Variants in RUNDC3B observed in about 807,000 individuals in gnomAD.
RUNDC3B encodes RUN domain-containing protein 3B.
In RUNDC3B, 33 loss-of-function variants were observed where a neutral mutation model predicts 58.4. The observed-to-expected ratio is 0.56, with a 90% CI of 0.43 to 0.75. RUNDC3B has a LOEUF of 0.75. RUNDC3B is among the 30% of genes least tolerant of loss of function. RUNDC3B has a pLI of 0.00. For synonymous variants in RUNDC3B, 193 were observed against 195.2 expected (o/e 0.99, Z 0.10); for missense variants, 501 against 535.7 (o/e 0.94, Z 0.64).
At chr7:87,699,792 C>T (rs942225433) in intron 2 of RUNDC3B, among the ~76,000 whole-genome samples, 1 of 152,098 alleles carries the variant, frequency 6.6e-6, no homozygotes, top group African/African-American at 2.4e-5. Context: ...TGAAAGATTA[C>T]AAGTTTTTCA....
intron 6 of RUNDC3B, among the ~76,000 whole-genome samples, chr7:87,765,038 T>C (rs1196182311): frequency 1.3e-5 from 2 of 151,846 alleles, no homozygotes; most frequent in Non-Finnish European, 1.5e-5. Context: ...TCTTGGGAAG[T>C]GTAGGTTTCA....
At chr7:87,668,093 C>T (rs1825447489) in intron 2 of RUNDC3B, among the ~76,000 whole-genome samples, 1 of 149,758 alleles carries the variant, frequency 6.7e-6, no homozygotes, top group Non-Finnish European at 1.5e-5. Flanking sequence ...TGGTAGAATT[C>T]AGTTATGAAT....
At chr7:87,790,050 G>C (rs920126733) in intron 8 of RUNDC3B, among the ~76,000 whole-genome samples, 2 of 152,208 alleles carry the variant, frequency 1.3e-5, no homozygotes, top group African/African-American at 4.8e-5. Context: ...TAGTCTGGTA[G>C]TGGTTGCAGC....
intron 6 of RUNDC3B, among the ~76,000 whole-genome samples, chr7:87,769,921 A>T (rs1012542356): frequency 2.6e-5 from 4 of 151,580 alleles, no homozygotes; most frequent in Non-Finnish European, 5.9e-5. Flanking sequence ...ATCTCTATTG[A>T]GTTTCTCTTC....
intron 4 of RUNDC3B, among the ~76,000 whole-genome samples, chr7:87,717,907 T>A (rs1292675644): frequency 6.6e-6 from 1 of 152,122 alleles, no homozygotes; most frequent in East Asian, 1.9e-4. Context: ...TATAGACAAA[T>A]ATCAGTTATT....
chr7:87,816,401 G>C (rs1837036893), intron 10 of RUNDC3B, 139 bp downstream of exon 10: 13 of 619,464 alleles, frequency 2.1e-5, no homozygotes, highest in Non-Finnish European at 3.5e-5. Context: ...ATTAAAAATG[G>C]TCTGCCTTTG....
At chr7:87,656,427 G>T (rs1165295747) in intron 2 of RUNDC3B, among the ~76,000 whole-genome samples, 1 of 152,066 alleles carries the variant, frequency 6.6e-6, no homozygotes, top group Non-Finnish European at 1.5e-5. Flanking sequence ...CTGAGGACTG[G>T]AACGATGCAG....
At chr7:87,818,917 A>G (rs1187077961) in intron 10 of RUNDC3B, among the ~76,000 whole-genome samples, 2 of 152,196 alleles carry the variant, frequency 1.3e-5, no homozygotes, top group Admixed American at 6.5e-5. Flanking sequence ...GTAAAAACAA[A>G]CAAACAAACA....
intron 8 of RUNDC3B, among the ~76,000 whole-genome samples, chr7:87,807,164 G>C (rs1206327355): frequency 1.3e-5 from 2 of 152,070 alleles, no homozygotes; most frequent in African/African-American, 4.8e-5. Context: ...GTAGTGATTT[G>C]TTGTAACCAG....
chr7:87,787,856 C>A (rs1182413861), intron 8 of RUNDC3B, among the ~76,000 whole-genome samples: 1 of 152,156 alleles, frequency 6.6e-6, no homozygotes, highest in Admixed American at 6.5e-5. Flanking sequence ...AAATTAAAAT[C>A]TTTTGTCAAA....
Position 87,770,703 on chromosome 7 carries a change from A to G in RUNDC3B, c.752A>G (p.Lys251Arg). ...FLMDENSWFN[K>R]CKRVKQKYQL... ...ATGGATGAGAACAGTTGGTTCAACA[A>G]GTGTAAGAGAGTTAAACAAAAGTAT... Residue 251 changes from lysine (K) to arginine (R), a missense_variant, in exon 7 of 11, where the codon AAG becomes AGG. Coordinates refer to ENST00000394654, the MANE Select transcript of RUNDC3B (RefSeq NM_001134405.2). The G allele has an allele frequency of 6.2e-7, 1 of 1,613,746 alleles. No homozygotes were observed. The highest frequency in any genetic ancestry group is 1.1e-5 in the South Asian group (1 of 91,054).
intron 4 of RUNDC3B, among the ~76,000 whole-genome samples, chr7:87,736,870 TATATATATATATATATA>T (rs1254047208): frequency 2.6e-5 from 1 of 39,036 alleles, no homozygotes; most frequent in South Asian, 9.1e-4. Context: ...TATATATATA[TATATATATATATATATA>T]TATTTTTTTT....
chr7:87,785,567 G>A (rs1293566685), intron 8 of RUNDC3B, among the ~76,000 whole-genome samples: 1 of 152,200 alleles, frequency 6.6e-6, no homozygotes, highest in Non-Finnish European at 1.5e-5. Flanking sequence ...GCGGGGCAGT[G>A]CAGGCTGTGC....
chr7:87,738,257 T>C (rs1832106450), intron 4 of RUNDC3B, among the ~76,000 whole-genome samples: 1 of 152,082 alleles, frequency 6.6e-6, no homozygotes, highest in Non-Finnish European at 1.5e-5. Flanking sequence ...AACTTAGTTA[T>C]TGGACCAGGG....
At chr7:87,768,827 CATCT>C (rs1388485651) in intron 6 of RUNDC3B, among the ~76,000 whole-genome samples, 2 of 152,112 alleles carry the variant, frequency 1.3e-5, no homozygotes, top group African/African-American at 4.8e-5. Context: ...TATGATTATT[CATCT>C]ATAAATTTGA....
intron 10 of RUNDC3B, among the ~76,000 whole-genome samples, chr7:87,823,447 G>A (rs1837610875): frequency 1.3e-5 from 2 of 150,336 alleles, no homozygotes; most frequent in Non-Finnish European, 3.0e-5. Context: ...TAAGTTATTG[G>A]GAAATAGGGG....
At chr7:87,700,026 G>C (rs1459953069) in intron 2 of RUNDC3B, among the ~76,000 whole-genome samples, 2 of 151,828 alleles carry the variant, frequency 1.3e-5, no homozygotes, top group African/African-American at 2.4e-5. Flanking sequence ...TTTTTAAATA[G>C]AGAAAGGTTT....
chr7:87,731,421 T>C (rs1831570082), intron 4 of RUNDC3B, among the ~76,000 whole-genome samples: 1 of 151,958 alleles, frequency 6.6e-6, no homozygotes, highest in South Asian at 2.1e-4. Flanking sequence ...TTATCAATAA[T>C]AACATTGAAT....
At chr7:87,823,883 T>C (rs900661873) in intron 10 of RUNDC3B, among the ~76,000 whole-genome samples, 17 of 152,048 alleles carry the variant, frequency 1.1e-4, no homozygotes, top group African/African-American at 3.1e-4. Context: ...TATCCACTTG[T>C]TGATTGATGG....
Sources: allele counts gnomAD v4.1 joint callset (sites outside exome capture counted in the v4.1 genomes callset), GRCh38; gene constraint gnomAD v4.1.1; transcripts MANE v1.5; gene names NCBI Gene and HGNC (gene_info 2026-07-23, HGNC 2026-07-21).